The following GRM8 variants were observed in gnomAD, a reference collection of about 807,000 sequenced individuals.
GRM8 encodes the protein glutamate metabotropic receptor 8.
Under a neutral mutation model 87.2 loss-of-function variants are expected in GRM8, and 47 were observed. The observed-to-expected ratio is 0.54, with a 90% confidence interval of 0.43 to 0.69. GRM8 has a LOEUF of 0.69. GRM8 is among the 30% of genes least tolerant of loss of function. The pLI, the probability that GRM8 is intolerant of heterozygous loss-of-function variation, is 0.00. For missense variants in GRM8, 1,019 were observed against 1,139.2 expected, an observed-to-expected ratio of 0.89 and a Z score of 1.52; for synonymous variants, 396 against 404.5, an observed-to-expected ratio of 0.98 and a Z score of 0.25.
intron 2 of GRM8, chr7:127,229,990 T>C (rs1365199471): frequency 6.6e-6 from 1 of 152,180 alleles, no homozygotes; most frequent in Non-Finnish European, 1.5e-5. Context: ...AGTCAAGATA[T>C]GCATGTGGCA....
intron 3 of GRM8, among the ~76,000 whole-genome samples, chr7:126,955,374 G>T (rs1808570062): frequency 6.6e-6 from 1 of 152,018 alleles, no homozygotes; most frequent in Non-Finnish European, 1.5e-5. Context: ...CCTCTTGGCT[G>T]GATGCAAAAA....
At chr7:126,582,111 A>G (rs569148885) in intron 8 of GRM8, among the ~76,000 whole-genome samples, 2 of 152,358 alleles carry the variant, frequency 1.3e-5, no homozygotes, top group African/African-American at 2.4e-5. Context: ...AGACAGATAA[A>G]AATTAGGCCT....
intron 8 of GRM8, among the ~76,000 whole-genome samples, chr7:126,563,297 T>TTA (rs760869126): frequency 2.7e-5 from 4 of 149,542 alleles, no homozygotes; most frequent in African/African-American, 9.9e-5. Context: ...GGTTTTTTTT[T>TTA]AAAAAAAAAA....
At chr7:126,715,483 A>G (rs558620807) in intron 7 of GRM8, among the ~76,000 whole-genome samples, 25 of 152,306 alleles carry the variant, frequency 1.6e-4, no homozygotes, top group African/African-American at 6.0e-4. Flanking sequence ...TTTATAATAG[A>G]TTCATGTATA....
chr7:127,184,004 A>G (rs1794613273), intron 2 of GRM8, among the ~76,000 whole-genome samples: 1 of 151,914 alleles, frequency 6.6e-6, no homozygotes, highest in Admixed American at 6.6e-5. Flanking sequence ...ATATCTACCA[A>G]TGAAATTGAA....
chr7:126,965,272 C>T (rs995825628), intron 3 of GRM8, among the ~76,000 whole-genome samples: 47 of 151,888 alleles, frequency 3.1e-4, no homozygotes, highest in African/African-American at 1.1e-3. Context: ...AACAAACCTG[C>T]ACATTCTGCA....
chr7:126,991,708 C>G (rs1812671789), intron 3 of GRM8, among the ~76,000 whole-genome samples: 1 of 152,098 alleles, frequency 6.6e-6, no homozygotes, highest in African/African-American at 2.4e-5. Context: ...CTGTGAACTT[C>G]TACTAAAGCA....
chr7:126,845,365 T>C (rs576589240), intron 6 of GRM8, among the ~76,000 whole-genome samples: 16 of 152,304 alleles, frequency 1.1e-4, no homozygotes, highest in Admixed American at 7.9e-4. Context: ...CATATGCTTC[T>C]ATGAGCAGCT....
chr7:126,935,822 C>T (rs1040116698), intron 3 of GRM8, among the ~76,000 whole-genome samples: 2 of 152,200 alleles, frequency 1.3e-5, no homozygotes, highest in African/African-American at 4.8e-5. Context: ...CTTTCCCAGG[C>T]TTGATGCCAC....
At chr7:127,105,973 A>T (rs1825769604) in intron 3 of GRM8, among the ~76,000 whole-genome samples, 1 of 152,156 alleles carries the variant, frequency 6.6e-6, no homozygotes, top group East Asian at 1.9e-4. Flanking sequence ...CCTTCATCAC[A>T]CCCTAAGCTT....
chr7:127,077,038 T>C (rs1425052896), intron 3 of GRM8, among the ~76,000 whole-genome samples: 1 of 152,208 alleles, frequency 6.6e-6, no homozygotes, highest in Non-Finnish European at 1.5e-5. Context: ...ATGTATGTGC[T>C]GTTCTCCCTT....
chr7:126,874,334 T>A (rs897786748), intron 6 of GRM8, among the ~76,000 whole-genome samples: 1 of 152,042 alleles, frequency 6.6e-6, no homozygotes, highest in Non-Finnish European at 1.5e-5. Context: ...GAATCCTAAT[T>A]TCAGTCATCA....
chr7:126,809,663 A>G (rs1357034897), intron 6 of GRM8, among the ~76,000 whole-genome samples: 1 of 152,114 alleles, frequency 6.6e-6, no homozygotes, highest in African/African-American at 2.4e-5. Context: ...ATAGAATGTA[A>G]CCTAACTACC....
intron 6 of GRM8, among the ~76,000 whole-genome samples, chr7:126,882,597 A>G (rs1231696580): frequency 6.6e-6 from 1 of 152,262 alleles, no homozygotes; most frequent in South Asian, 2.1e-4. Flanking sequence ...ATGTTCACTG[A>G]CAAGGCATTA....
intron 6 of GRM8, among the ~76,000 whole-genome samples, chr7:126,807,496 A>G (rs1792888064): frequency 1.3e-5 from 2 of 152,208 alleles, no homozygotes; most frequent in Admixed American, 1.3e-4. Context: ...CTTAAAAATC[A>G]AGCGAGATGC....
At chr7:126,831,908 C>G (rs1795416077) in intron 6 of GRM8, among the ~76,000 whole-genome samples, 2 of 152,070 alleles carry the variant, frequency 1.3e-5, no homozygotes, top group African/African-American at 4.8e-5. Context: ...CACATTTGAG[C>G]TGTTAAGCTT....
At chr7:126,717,700 T>C (rs1285660692) in intron 7 of GRM8, among the ~76,000 whole-genome samples, 2 of 152,118 alleles carry the variant, frequency 1.3e-5, no homozygotes, top group African/African-American at 4.8e-5. Context: ...TACATACTTG[T>C]AAAAACATAA....
chr7:126,533,903 A>G lies in GRM8; in HGVS notation c.1495-16T>C, dbSNP rs1173399548. ...TGTCTTCCACCTGTGGGTATAAAAA[A>G]TTAATGAGCCTTCCATTTTTCCCCC... On this transcript the variant is annotated splice_polypyrimidine_tract_variant and intron_variant, in intron 8 of 10. Transcript: ENST00000339582. 3.2e-6 allele frequency: 5 copies of G among 1,570,068 alleles called. No homozygotes were observed. Among genetic ancestry groups the G allele is most frequent in the Non-Finnish European group, 4.3e-6 (5 of 1,149,796 alleles).
At chr7:126,891,715 C>G (rs1296571600) in intron 6 of GRM8, among the ~76,000 whole-genome samples, 1 of 152,050 alleles carries the variant, frequency 6.6e-6, no homozygotes, top group Non-Finnish European at 1.5e-5. Context: ...TCAGTTCTCC[C>G]TGCTATATGC....
Sources: gnomAD v4.1 joint callset for allele counts (sites outside exome capture counted in the v4.1 genomes callset) on GRCh38, gnomAD v4.1.1 for gene constraint, MANE v1.5 for transcripts, NCBI Gene and HGNC (gene_info 2026-07-23, HGNC 2026-07-21) for gene names.